Variants in EMSY observed in about 807,000 individuals in gnomAD.
EMSY encodes EMSY transcriptional repressor, BRCA2 interacting.
EMSY carries 26 observed loss-of-function variants against 134.6 expected under a neutral mutation model. That is an observed-to-expected ratio of 0.19 (90% CI 0.14 to 0.27). The LOEUF (loss-of-function observed/expected upper bound fraction) is 0.27. Ranked by LOEUF, EMSY falls within the 10% of genes least tolerant of loss-of-function variation. The pLI, the probability that EMSY is intolerant of heterozygous loss-of-function variation, is 1.00. For missense variants in EMSY, 1,305 were observed against 1,611.4 expected, an observed-to-expected ratio of 0.81 and a Z score of 3.26; for synonymous variants, 579 against 577.8, an observed-to-expected ratio of 1.00 and a Z score of -0.03.
intron 8 of EMSY, among the ~76,000 whole-genome samples, chr11:76,474,551 G>C (rs754514954): frequency 1.9e-4 from 29 of 152,136 alleles, no homozygotes; most frequent in Non-Finnish European, 3.4e-4. Context: ...ACATAGATAT[G>C]GATGCAGTCA....
At chr11:76,552,830 C>T (rs1228199047), downstream of EMSY, 3 of 152,156 alleles carry the variant, frequency 2.0e-5, no homozygotes, top group African/African-American at 7.2e-5. Flanking sequence ...GGTGGCCACT[C>T]CTCTACTTTC....
downstream of EMSY, chr11:76,552,054 A>G (rs1170378309): frequency 6.6e-6 from 1 of 152,256 alleles, no homozygotes; most frequent in Non-Finnish European, 1.5e-5. Context: ...GGCAAATAAA[A>G]GTGCTATCAT....
At chr11:76,522,352 CTTTTTTTTTTTTTTT>C (rs71040003) in intron 11 of EMSY, among the ~76,000 whole-genome samples, 39 of 44,250 alleles carry the variant, frequency 8.8e-4, no homozygotes, top group African/African-American at 3.1e-3. Flanking sequence ...GTTTACTTTG[CTTTTTTTTTTTTTTT>C]TTTTTTTTTT....
chr11:76,548,747 C>G (rs917444963), intron 20 of EMSY, among the ~76,000 whole-genome samples: 1 of 152,216 alleles, frequency 6.6e-6, no homozygotes, highest in African/African-American at 2.4e-5. Flanking sequence ...GACTCCAGAA[C>G]CAATGCGTAG....
chr11:76,463,693 T>A (rs1393093872), intron 6 of EMSY, 128 bp from the exon 8 acceptor site: 2 of 1,024,452 alleles, frequency 2.0e-6, no homozygotes. Flanking sequence ...GAGGGAAGAT[T>A]GATAGAACTT....
At chr11:76,514,189 G>T (rs1950370967) in intron 10 of EMSY, among the ~76,000 whole-genome samples, 1 of 151,934 alleles carries the variant, frequency 6.6e-6, no homozygotes, top group African/African-American at 2.4e-5. Flanking sequence ...TTATTTAAAT[G>T]GGATAATAAT....
intron 8 of EMSY, among the ~76,000 whole-genome samples, chr11:76,491,101 G>A (rs1381837772): frequency 6.6e-6 from 1 of 151,572 alleles, no homozygotes; most frequent in Non-Finnish European, 1.5e-5. Flanking sequence ...CCCTGTGCAG[G>A]TGCTGTCCTC....
At chr11:76,536,859 G>A (rs890356564) in intron 15 of EMSY, among the ~76,000 whole-genome samples, 1 of 152,092 alleles carries the variant, frequency 6.6e-6, no homozygotes, top group African/African-American at 2.4e-5. Context: ...CTCTCTACTT[G>A]TAGGGTGACT....
chr11:76,493,753 C>T (rs577879734), intron 8 of EMSY, among the ~76,000 whole-genome samples: 3 of 152,316 alleles, frequency 2.0e-5, no homozygotes, highest in Non-Finnish European at 4.4e-5. Context: ...AGCTCCTCTC[C>T]GCCTTGCTTA....
intron 6 of EMSY, among the ~76,000 whole-genome samples, chr11:76,462,238 C>CATAAATAA (rs558456923): frequency 1.3e-5 from 2 of 152,014 alleles, no homozygotes; most frequent in East Asian, 1.9e-4. Flanking sequence ...GACTCCATCT[C>CATAAATAA]ATAAATAAAT....
chr11:76,489,903 C>A (rs944628417), intron 8 of EMSY, among the ~76,000 whole-genome samples: 1 of 152,158 alleles, frequency 6.6e-6, no homozygotes, highest in African/African-American at 2.4e-5. Context: ...CCGTGCCCGG[C>A]CTACTTGATG....
chr11:76,489,052 A>G (rs1949307327), intron 8 of EMSY, among the ~76,000 whole-genome samples: 1 of 152,224 alleles, frequency 6.6e-6, no homozygotes, highest in Non-Finnish European at 1.5e-5. Context: ...ACTGGCTTAG[A>G]TCAATTAGGA....
chr11:76,513,383 A>C lies in EMSY; in HGVS notation c.1364-3A>C, dbSNP rs891713418. On this transcript the variant is annotated splice_polypyrimidine_tract_variant and splice_region_variant and intron_variant, in intron 9 of 20. Transcript: ENST00000334736. ...GCTGAGATTTATCTTTCTTCTTTCA[A>C]AGGTGTTAAAATCATCACACAACAG... 4.3e-6 allele frequency: 7 copies of C among 1,612,512 alleles called. No individual in the cohort carries two copies. The highest frequency in any genetic ancestry group is 3.3e-5 in the Admixed American group (2 of 59,828).
At chr11:76,536,946 G>A (rs1951245025) in intron 15 of EMSY, among the ~76,000 whole-genome samples, 1 of 152,134 alleles carries the variant, frequency 6.6e-6, no homozygotes, top group African/African-American at 2.4e-5. Context: ...TGTACTCAGT[G>A]GGTATGAACA....
chr11:76,528,453 C>T, exon 14 of EMSY: 1 of 1,602,710 alleles, frequency 6.2e-7, no homozygotes, highest in Non-Finnish European at 8.5e-7. Flanking sequence ...CAGAGTCCTC[C>T]CAGAGTTCCC....
intron 8 of EMSY, among the ~76,000 whole-genome samples, chr11:76,491,072 A>G (rs1007879309): frequency 6.6e-6 from 1 of 151,542 alleles, no homozygotes; most frequent in Non-Finnish European, 1.5e-5. Flanking sequence ...CTCCTCCCCT[A>G]TGCTGTTGTT....
chr11:76,478,603 A>G (rs952791651), intron 8 of EMSY, among the ~76,000 whole-genome samples: 12 of 152,004 alleles, frequency 7.9e-5, no homozygotes, highest in African/African-American at 2.7e-4. Context: ...AGCCTCCCAA[A>G]GTGCTAGGCT....
chr11:76,515,206 T>TG (rs75903485), intron 10 of EMSY, among the ~76,000 whole-genome samples: 2,891 of 144,510 alleles, frequency 0.02, 42 homozygotes, highest in East Asian at 0.089. Flanking sequence ...AGCATTTTTT[T>TG]GGGGGGGGGG....
intron 13 of EMSY, 46 bp downstream of exon 14, chr11:76,526,681 CA>C (rs11363199): frequency 0.3 from 432,111 of 1,451,006 alleles, 67,061 homozygotes; most frequent in Non-Finnish European, 0.32. Context: ...TAAATATTTT[CA>C]ATTCTTATAA....
Sources: allele counts gnomAD v4.1 joint callset (sites outside exome capture counted in the v4.1 genomes callset), GRCh38; gene constraint gnomAD v4.1.1; transcripts MANE v1.5; gene names NCBI Gene and HGNC (gene_info 2026-07-23, HGNC 2026-07-21).